ARRB1: variants seen among roughly 807,000 people sequenced by gnomAD.
ARRB1 encodes the protein arrestin beta 1, also known as beta-arrestin-1.
Under a neutral mutation model 56.8 loss-of-function variants are expected in ARRB1, and 21 were observed. That is an observed-to-expected ratio of 0.37 (90% CI 0.26 to 0.53). ARRB1 has a LOEUF of 0.53. Ranked by LOEUF, ARRB1 falls within the 20% of genes least tolerant of loss-of-function variation. The pLI is 0.88. For synonymous variants in ARRB1, 210 were observed against 218.6 expected, an observed-to-expected ratio of 0.96 and a Z score of 0.35; for missense variants, 424 against 553.7, an observed-to-expected ratio of 0.77 and a Z score of 2.35.
Position 75,264,357 on chromosome 11 carries a change from A to C in ARRB1, c.*1806T>G, listed in dbSNP as rs531321803. 1 of 152,440 alleles carries C rather than the reference A, an allele frequency of 6.6e-6. No homozygotes were observed. The highest frequency in any genetic ancestry group is 2.1e-4 in the South Asian group (1 of 4,834). The allele number at this position is 152,440 out of a possible 1,614,324, so 9.4% of individuals were successfully genotyped here. On this transcript the variant is annotated 3_prime_UTR_variant, in exon 16 of 16. Coordinates refer to ENST00000420843, the MANE Select transcript of ARRB1 (RefSeq NM_004041.5). ...GTATGGGAGAGAGATGGAAGGGAGC[A>C]GAAACTGAGGAGAGAGCCCTTGTCC...
At chr11:75,273,390 C>T (rs987835443) in intron 11 of ARRB1, among the ~76,000 whole-genome samples, 3 of 152,158 alleles carry the variant, frequency 2.0e-5, no homozygotes, top group African/African-American at 7.2e-5. Flanking sequence ...AAGGACTTCT[C>T]CGCAGAGGTG....
intron 3 of ARRB1, among the ~76,000 whole-genome samples, chr11:75,286,328 G>A (rs2140432235): frequency 7.2e-6 from 1 of 138,094 alleles, no homozygotes; most frequent in Admixed American, 7.9e-5. Context: ...GGAGTGCGGT[G>A]GCATGATCTC....
intron 1 of ARRB1, among the ~76,000 whole-genome samples, chr11:75,325,263 C>T (rs1000218115): frequency 3.9e-5 from 6 of 152,178 alleles, no homozygotes; most frequent in Admixed American, 1.3e-4. Context: ...CCCCGACCCT[C>T]ACCCCAGCCC....
intron 3 of ARRB1, among the ~76,000 whole-genome samples, chr11:75,284,890 G>A (rs768269966): frequency 7.3e-6 from 1 of 136,086 alleles, no homozygotes; most frequent in South Asian, 2.6e-4. Context: ...GCAACAGAGC[G>A]AGACTCTGTC....
intron 1 of ARRB1, among the ~76,000 whole-genome samples, chr11:75,305,975 A>G (rs1354478571): frequency 6.6e-6 from 1 of 152,152 alleles, no homozygotes; most frequent in Non-Finnish European, 1.5e-5. Context: ...ATTCCTTGAT[A>G]TCTGAGCACC....
At position 75,265,504 on chromosome 11, in the gene ARRB1, T is replaced by C. The variant is rs1945888091; in HGVS notation, c.*659A>G. On this transcript the variant is annotated 3_prime_UTR_variant, in exon 16 of 16. Coordinates refer to ENST00000420843, the MANE Select transcript of ARRB1 (RefSeq NM_004041.5). ...TGAGTCCACACAGCTTGCCTCAGTC[T>C]AGGTAACTGCTGGTAAGAAAGTCAG... is the stretch of plus-strand genomic sequence containing the variant. 6.5e-6 allele frequency: 1 copy of C among 153,680 alleles called. No individual in the cohort carries two copies. Among genetic ancestry groups the C allele is most frequent in the African/African-American group, 2.4e-5 (1 of 41,592 alleles). 9.5% of individuals were successfully genotyped at this position (153,680 alleles called of 1,614,324 possible). A position where few individuals can be genotyped will look rare whatever the true frequency, so the allele number is the denominator to read the frequency against.
Position 75,265,897 on chromosome 11 carries a change from C to G in ARRB1, c.*266G>C, listed in dbSNP as rs934558318. On this transcript the variant is annotated 3_prime_UTR_variant, in exon 16 of 16. Transcript: ENST00000420843. ...TCCAATTCCAAGGCCAGAGCCCTGG[C>G]AGCTTTTCTGGGAGACAGCATGAAA... 3 of 487,494 alleles carry G rather than the reference C, an allele frequency of 6.2e-6. No individual in the cohort carries two copies. The highest frequency in any genetic ancestry group is 1.1e-5 in the Non-Finnish European group (3 of 267,416). 30.2% of individuals were successfully genotyped at this position (487,494 alleles called of 1,614,324 possible).
chr11:75,273,518 G>A (rs1204166121), intron 11 of ARRB1, among the ~76,000 whole-genome samples: 2 of 152,148 alleles, frequency 1.3e-5, no homozygotes, highest in Non-Finnish European at 2.9e-5. Flanking sequence ...AGTCTGTGCT[G>A]GGAGTGGCGG....
At chr11:75,348,453 A>G (rs1947804266) in intron 1 of ARRB1, among the ~76,000 whole-genome samples, 1 of 152,172 alleles carries the variant, frequency 6.6e-6, no homozygotes, top group Non-Finnish European at 1.5e-5. Context: ...TGGAGGACAG[A>G]GTAGACTCCT....
chr11:75,340,745 C>T (rs557750527), intron 1 of ARRB1, among the ~76,000 whole-genome samples: 46 of 152,274 alleles, frequency 3.0e-4, no homozygotes, highest in Non-Finnish European at 5.1e-4. Context: ...AAGCCAGGCT[C>T]GGGGCTCTGC....
chr11:75,295,637 A>T (rs948351338), intron 1 of ARRB1, among the ~76,000 whole-genome samples: 1 of 152,192 alleles, frequency 6.6e-6, no homozygotes, highest in African/African-American at 2.4e-5. Context: ...CTGCCATGTG[A>T]CATATCCTAT....
At chr11:75,331,972 G>C (rs1947529661) in intron 1 of ARRB1, among the ~76,000 whole-genome samples, 1 of 151,976 alleles carries the variant, frequency 6.6e-6, no homozygotes, top group South Asian at 2.1e-4. Flanking sequence ...CTTAACTGAT[G>C]ACATTACCTT....
chr11:75,336,803 C>T (rs1239493673), intron 1 of ARRB1, among the ~76,000 whole-genome samples: 1 of 152,182 alleles, frequency 6.6e-6, no homozygotes, highest in Non-Finnish European at 1.5e-5. Flanking sequence ...GCCCCTCACA[C>T]ACATGATCCA....
chr11:75,278,079 A>G lies in ARRB1; in HGVS notation c.618+530T>C, dbSNP rs376169391. On this transcript the variant is annotated intron_variant, in intron 8 of 15. Coordinates refer to ENST00000420843, the MANE Select transcript of ARRB1 (RefSeq NM_004041.5). ...TCCCTACAAAAAGACCTCAACTTGC[A>G]TCTTGCCCCAAGGCACTTCCCTTCA... Among the ~76,000 whole-genome samples the G allele has an allele frequency of 5.9e-5, 9 of 152,232 alleles. No homozygotes were observed. In the South Asian group the frequency reaches 1.9e-3, roughly 31 times the overall value.
intron 1 of ARRB1, among the ~76,000 whole-genome samples, chr11:75,338,352 A>G (rs917416518): frequency 1.3e-5 from 2 of 152,286 alleles, no homozygotes; most frequent in Middle Eastern, 6.8e-3. Context: ...GACCTGAGCC[A>G]GTGGCGGTAG....
At chr11:75,339,854 A>G (rs765249438) in intron 1 of ARRB1, among the ~76,000 whole-genome samples, 7 of 152,212 alleles carry the variant, frequency 4.6e-5, no homozygotes, top group Non-Finnish European at 1.0e-4. Context: ...GAGGGCAGCG[A>G]TGGCCTAACA....
At chr11:75,314,610 G>C (rs1026027024) in intron 1 of ARRB1, among the ~76,000 whole-genome samples, 1 of 150,982 alleles carries the variant, frequency 6.6e-6, no homozygotes, top group Non-Finnish European at 1.5e-5. Flanking sequence ...ACAACAGCAC[G>C]TTTTTTTTTC....
At chr11:75,300,202 C>CAAAAAAAAAAAAAAAAAAA (rs10557397) in intron 1 of ARRB1, among the ~76,000 whole-genome samples, 1 of 87,334 alleles carries the variant, frequency 1.1e-5, no homozygotes, top group African/African-American at 4.0e-5. Flanking sequence ...GACTCTGTCT[C>CAAAAAAAAAAAAAAAAAAA]AAAAAAAAAA....
rs560949458 is a variant in ARRB1 at position 75,325,431 on chromosome 11, C to T, written c.20+26157G>A. Among the ~76,000 whole-genome samples the T allele has an allele frequency of 1.2e-4, 19 of 152,314 alleles. No individual in the cohort carries two copies. The South Asian group carries it at 2.3e-3, about 18-fold the overall frequency. On this transcript the variant is annotated intron_variant, in intron 1 of 15. Coordinates refer to ENST00000420843, the MANE Select transcript of ARRB1 (RefSeq NM_004041.5). Reference sequence around the variant, plus strand: ...CCGCCTCCTGGGTTCAAGCGATTCTCGTGCCTCAGCCTCCTGAGTAGCTGG... The same window carrying T: ...CCGCCTCCTGGGTTCAAGCGATTCTTGTGCCTCAGCCTCCTGAGTAGCTGG...
Sources: gnomAD v4.1 joint callset for allele counts (sites outside exome capture counted in the v4.1 genomes callset) on GRCh38, gnomAD v4.1.1 for gene constraint, MANE v1.5 for transcripts, NCBI Gene and HGNC (gene_info 2026-07-23, HGNC 2026-07-21) for gene names.